The following TAS2R30 variants were observed in gnomAD, a reference collection of about 807,000 sequenced individuals.
The protein encoded by TAS2R30 is taste 2 receptor member 30, also known as taste receptor type 2 member 30.
For missense variants in TAS2R30, 395 were observed against 371.6 expected (o/e 1.06, Z -0.52); for synonymous variants, 141 against 131.6 (o/e 1.07, Z -0.49).
exon 1 of TAS2R30, chr12:11,133,141 A>ACG (rs2136368257): frequency 1.0e-6 from 1 of 987,488 alleles, no homozygotes; most frequent in East Asian, 2.7e-5. Context: ...ACACACACAC[A>ACG]CATCTATATA....
chr12:11,133,542 G>T (rs754097243), exon 1 of TAS2R30: 2 of 1,554,706 alleles, frequency 1.3e-6, no homozygotes, highest in Non-Finnish European at 1.7e-6. Context: ...CATAACAGAA[G>T]AAAGGAGGTC....
chr12:11,133,838 G>T (rs1158825177), exon 1 of TAS2R30: 1 of 1,614,054 alleles, frequency 6.2e-7, no homozygotes, highest in South Asian at 1.1e-5. Context: ...AAATAGCAAA[G>T]GCCCCAACAG....
chr12:11,133,197 A>G, exon 1 of TAS2R30: 1 of 1,490,122 alleles, frequency 6.7e-7, no homozygotes, highest in South Asian at 1.4e-5. Context: ...TTTTCTAGGT[A>G]TACATGTGGA....
In TAS2R30 at chr12:11,134,493, A is replaced by C. The variant is rs1186710578; in HGVS notation, c.-249T>G. The stretch of plus-strand genomic sequence containing the variant: ...ACAATTCAAATTAACTGACTCATTC[A>C]CCATCTGTTCTTGTTATAGGCTGGA... On this transcript the variant is annotated 5_prime_UTR_variant, in exon 1 of 1. Transcript: ENST00000539585. 1.6e-5 allele frequency: 8 copies of C among 490,014 alleles called. 1 individual carries two copies. Among genetic ancestry groups the C allele is most frequent in the African/African-American group, 1.2e-4 (6 of 51,354 alleles). The allele number at this position is 490,014 out of a possible 1,614,324, so 30.4% of individuals were successfully genotyped here.
At chr12:11,133,241 G>A (rs756017677) in exon 1 of TAS2R30, 1 of 1,544,392 alleles carries the variant, frequency 6.5e-7, no homozygotes, top group East Asian at 2.2e-5. Context: ...AGAAAACCCA[G>A]TAAGAAATAT....
chr12:11,133,955 C>T, the TAS2R30 span: 1 of 1,614,090 alleles, frequency 6.2e-7, no homozygotes, highest in South Asian at 1.1e-5. Context: ...AGTAGCAAGC[C>T]AGCTGCTGAA....
chr12:11,133,950 C>G (rs1377862206), exon 1 of TAS2R30: 4 of 1,613,970 alleles, frequency 2.5e-6, no homozygotes, highest in Non-Finnish European at 3.4e-6. Flanking sequence ...AGGCTAGTAG[C>G]AAGCCAGCTG....
chr12:11,133,937 C>T (rs779151178), exon 1 of TAS2R30: 2 of 1,614,102 alleles, frequency 1.2e-6, no homozygotes, highest in Non-Finnish European at 1.7e-6. Flanking sequence ...ATAAAACATG[C>T]TGAGGCTAGT....
chr12:11,134,125 C>CAA, the TAS2R30 span: 2 of 1,614,014 alleles, frequency 1.2e-6, no homozygotes, highest in East Asian at 4.5e-5. Flanking sequence ...CAAAGGAGAT[C>CAA]TTTTGTCTCT....
At chr12:11,134,173 A>G in exon 1 of TAS2R30, 1 of 1,613,984 alleles carries the variant, frequency 6.2e-7, no homozygotes, top group Non-Finnish European at 8.5e-7. Context: ...CTATGAAGCC[A>G]TTAGCAAAAT....
exon 1 of TAS2R30, chr12:11,134,457 T>C: frequency 1.7e-6 from 1 of 586,172 alleles, no homozygotes; most frequent in African/African-American, 1.9e-5. Flanking sequence ...GAAAACATTC[T>C]TATTTTCAAA....
Position 11,133,169 on chromosome 12 carries a change from TAA to T in TAS2R30, c.*114_*115del, listed in dbSNP as rs921764266. 162 of 1,325,368 alleles carry T rather than the reference TAA, an allele frequency of 1.2e-4. No homozygotes were observed. In the African/African-American group the frequency reaches 2.3e-3, roughly 19 times the overall value. 82.1% of individuals were successfully genotyped at this position (1,325,368 alleles called of 1,614,324 possible). ...TCTATATATATGTACTTTTCTAGAC[TAA>T]CTTTAGGTAAAAGACTTTTCTAGGT... is the stretch of plus-strand genomic sequence containing the variant. On this transcript the variant is annotated 3_prime_UTR_variant, in exon 1 of 1. Coordinates refer to ENST00000539585, the Ensembl canonical transcript of TAS2R30.
At position 11,133,319 on chromosome 12, in the gene TAS2R30, T is replaced by C. The variant is rs1199025126; in HGVS notation, c.926A>G (p.His309Arg). ...ACACAATGCCCCTCTTGTGAATCTA[T>C]GGAGACGAAGGCTTCTGTCTTTCAC... Residue 309 changes from histidine (H) to arginine (R), a missense_variant, in exon 1 of 1, where the codon CAT (histidine) becomes CGT (arginine). Physicochemically the swap from His to Arg is conservative, Grantham distance 29. Coordinates refer to ENST00000539585, the Ensembl canonical transcript of TAS2R30. 1.2e-5 allele frequency: 20 copies of C among 1,613,396 alleles called. No individual in the cohort carries two copies. The East Asian group carries it at 1.3e-4, about 11-fold the overall frequency.
chr12:11,134,347 T>A (rs1946485340), exon 1 of TAS2R30: 32 of 1,223,212 alleles, frequency 2.6e-5, no homozygotes, highest in Non-Finnish European at 3.5e-5. Flanking sequence ...CTGATTTGTG[T>A]ATGTGCTGTG....
chr12:11,133,485 T>A, exon 1 of TAS2R30: 1 of 1,614,114 alleles, frequency 6.2e-7, no homozygotes, highest in Non-Finnish European at 8.5e-7. Flanking sequence ...TTTTCCAGCC[T>A]CCCAAAATTA....
At chr12:11,133,966 A>G in exon 1 of TAS2R30, 1 of 1,614,150 alleles carries the variant, frequency 6.2e-7, no homozygotes, top group South Asian at 1.1e-5. Flanking sequence ...AGCTGCTGAA[A>G]TGGTTGGTTA....
chr12:11,133,897 A>G (rs369884455), exon 1 of TAS2R30: 65 of 1,613,994 alleles, frequency 4.0e-5, no homozygotes, highest in Non-Finnish European at 5.4e-5. Flanking sequence ...GAAGAAAAAT[A>G]AGGTTGGAGA....
chr12:11,133,640 A>C (rs113957436), exon 1 of TAS2R30: 1 of 1,614,260 alleles, frequency 6.2e-7, no homozygotes, highest in Admixed American at 1.7e-5. Flanking sequence ...ATGTTTACAC[A>C]GAGAACAGAT....
chr12:11,133,329 G>C, exon 1 of TAS2R30: 3 of 1,613,730 alleles, frequency 1.9e-6, no homozygotes, highest in Non-Finnish European at 1.7e-6. Flanking sequence ...TGGAGACGAA[G>C]GCTTCTGTCT....
Sources: gnomAD v4.1 joint callset for allele counts on GRCh38, gnomAD v4.1.1 for gene constraint, MANE v1.5 for transcripts, NCBI Gene and HGNC (gene_info 2026-07-23, HGNC 2026-07-21) for gene names.